Variants in FAT3 observed in about 807,000 individuals in gnomAD.
FAT3 encodes FAT atypical cadherin 3, also known as protocadherin Fat 3.
FAT3 carries 95 observed loss-of-function variants against 310.2 expected under a neutral mutation model. That is an observed-to-expected ratio of 0.31 (90% confidence interval 0.26 to 0.36). The LOEUF (loss-of-function observed/expected upper bound fraction) is 0.36, where lower values mean the gene tolerates loss of function less well. FAT3 is among the 10% of genes least tolerant of loss of function. The probability of loss-of-function intolerance (pLI) is 1.00; values close to 1 mark genes in which losing one functional copy is unlikely to be tolerated. For synonymous variants in FAT3, 2,314 were observed against 2,192.9 expected (o/e 1.06, Z -1.54); for missense variants, 5,408 against 5,715.6 (o/e 0.95, Z 1.74).
chr11:92,748,342 C>G (rs1361001213), intron 4 of FAT3, among the ~76,000 whole-genome samples: 1 of 152,094 alleles, frequency 6.6e-6, no homozygotes, highest in Admixed American at 6.5e-5. Context: ...CTCCACCTGG[C>G]CCCACCCTTG....
intron 2 of FAT3, among the ~76,000 whole-genome samples, chr11:92,437,171 C>G (rs1464231811): frequency 6.6e-6 from 1 of 152,172 alleles, no homozygotes; most frequent in Non-Finnish European, 1.5e-5. Context: ...CAAATAAACT[C>G]TCATCCTTCT....
At chr11:92,742,190 G>A (rs1565556974) in intron 4 of FAT3, among the ~76,000 whole-genome samples, 2 of 152,226 alleles carry the variant, frequency 1.3e-5, no homozygotes, top group African/African-American at 4.8e-5. Context: ...TGGAATTGGG[G>A]ACGTGTTAGC....
chr11:92,282,159 GC>G (rs1201270253), intron 1 of FAT3, among the ~76,000 whole-genome samples: 2 of 152,082 alleles, frequency 1.3e-5, no homozygotes, highest in Non-Finnish European at 2.9e-5. Flanking sequence ...GCCTGCCTCA[GC>G]CTCCCAAAGA....
chr11:92,580,710 G>A (rs1032351028), intron 3 of FAT3, among the ~76,000 whole-genome samples: 61 of 151,986 alleles, frequency 4.0e-4, no homozygotes, highest in Non-Finnish European at 7.9e-4. Flanking sequence ...TATCCATGTC[G>A]TTGGAGTCCT....
intron 18 of FAT3, among the ~76,000 whole-genome samples, 169 bp downstream of exon 18, chr11:92,840,928 T>C (rs995996651): frequency 3.3e-5 from 5 of 152,176 alleles, no homozygotes; most frequent in Admixed American, 6.5e-5. Context: ...AAAAGCTGCC[T>C]CTGTGTGTGA....
At chr11:92,584,726 A>G (rs1344546623) in intron 3 of FAT3, among the ~76,000 whole-genome samples, 2 of 152,056 alleles carry the variant, frequency 1.3e-5, no homozygotes, top group Non-Finnish European at 2.9e-5. Context: ...ATAGTCTGTG[A>G]TCTTCACTGA....
chr11:92,636,028 A>T (rs994488934), intron 3 of FAT3, among the ~76,000 whole-genome samples: 1 of 152,082 alleles, frequency 6.6e-6, no homozygotes, highest in Admixed American at 6.6e-5. Context: ...CAGTGGTGCC[A>T]TCTTGGCTCA....
intron 5 of FAT3, among the ~76,000 whole-genome samples, chr11:92,763,522 G>A (rs1304951135): frequency 6.6e-6 from 1 of 152,076 alleles, no homozygotes; most frequent in Non-Finnish European, 1.5e-5. Context: ...ATGGCTCACA[G>A]CTGCCCTGTT....
chr11:92,475,888 T>A (rs1952038907), intron 2 of FAT3, among the ~76,000 whole-genome samples: 1 of 152,106 alleles, frequency 6.6e-6, no homozygotes, highest in East Asian at 1.9e-4. Flanking sequence ...TAAAAAGGCT[T>A]TATGGAGAGA....
intron 1 of FAT3, 56 bp from the exon 2 acceptor site, chr11:92,352,040 C>T: frequency 9.0e-7 from 1 of 1,108,188 alleles, no homozygotes; most frequent in Non-Finnish European, 1.2e-6. Context: ...TTCCCACTCT[C>T]CCCCTTCTTC....
At chr11:92,816,092 G>A (rs138666932) in intron 13 of FAT3, among the ~76,000 whole-genome samples, 1 of 152,292 alleles carries the variant, frequency 6.6e-6, no homozygotes, top group East Asian at 1.9e-4. Context: ...TCACCAAATG[G>A]TATTAGCACT....
At chr11:92,236,124 A>T (rs747372917) in intron 1 of FAT3, among the ~76,000 whole-genome samples, 20 of 152,196 alleles carry the variant, frequency 1.3e-4, no homozygotes, top group South Asian at 6.2e-4. Flanking sequence ...CCTGTGCTGT[A>T]ACTATTATTA....
At chr11:92,438,673 C>T (rs747676550) in intron 2 of FAT3, among the ~76,000 whole-genome samples, 3 of 152,042 alleles carry the variant, frequency 2.0e-5, no homozygotes, top group Non-Finnish European at 4.4e-5. Flanking sequence ...GATATTATTG[C>T]TGTGATGTGG....
At position 92,800,685 on chromosome 11, in the gene FAT3, C is replaced by T. The variant is rs768666893; in HGVS notation, c.7672C>T (p.Leu2558=). The change falls in exon 10 of 28, where the codon CTA becomes TTA. Residue 2558 remains leucine, a synonymous_variant. Transcript: ENST00000525166. Reference sequence around the variant, plus strand: ...TGGGCAGGTCATCACCACAGAAAGGCTAGACCGGGAAAACCCTCTAGAAGG... The same window carrying T: ...TGGGCAGGTCATCACCACAGAAAGGTTAGACCGGGAAAACCCTCTAGAAGG... ...SNGQVITTER[L]DRENPLEGDV... 43 of 1,613,654 alleles carry T rather than the reference C, an allele frequency of 2.7e-5. No individual in the cohort carries two copies. The highest frequency in any genetic ancestry group is 3.3e-5 in the Non-Finnish European group (39 of 1,179,820).
chr11:92,672,950 A>G (rs1943177087), intron 3 of FAT3, among the ~76,000 whole-genome samples: 1 of 152,216 alleles, frequency 6.6e-6, no homozygotes, highest in South Asian at 2.1e-4. Flanking sequence ...GAATTCAGGT[A>G]GAGGTTGGTT....
At chr11:92,772,761 T>C (rs1007919394) in intron 6 of FAT3, among the ~76,000 whole-genome samples, 1 of 152,114 alleles carries the variant, frequency 6.6e-6, no homozygotes, top group African/African-American at 2.4e-5. Context: ...AAGCAATAAG[T>C]ATTTGAAATA....
chr11:92,320,767 G>C (rs1947593637), intron 1 of FAT3, among the ~76,000 whole-genome samples: 1 of 151,944 alleles, frequency 6.6e-6, no homozygotes, highest in African/African-American at 2.4e-5. Context: ...GTACTTGAGA[G>C]GCTGAGGCAG....
intron 1 of FAT3, among the ~76,000 whole-genome samples, chr11:92,311,149 A>G (rs1947294742): frequency 6.6e-6 from 1 of 152,124 alleles, no homozygotes. Flanking sequence ...AAACTAGACT[A>G]TCAGTTGATT....
chr11:92,262,862 G>A (rs1865615009), intron 1 of FAT3, among the ~76,000 whole-genome samples: 1 of 152,066 alleles, frequency 6.6e-6, no homozygotes, highest in South Asian at 2.1e-4. Context: ...AAGGATGCTT[G>A]CCAGTGCTGT....
Sources: gnomAD v4.1 joint callset for allele counts (sites outside exome capture counted in the v4.1 genomes callset) on GRCh38, gnomAD v4.1.1 for gene constraint, MANE v1.5 for transcripts, NCBI Gene and HGNC (gene_info 2026-07-23, HGNC 2026-07-21) for gene names.